NCOR1: variants seen among roughly 807,000 people sequenced by gnomAD.
NCOR1 encodes the protein protein phosphatase 1, regulatory subunit 109.
In NCOR1, 63 loss-of-function variants were observed where a neutral mutation model predicts 288.1. The ratio of observed to expected loss-of-function variants is 0.22; its 90% confidence interval spans 0.18 to 0.27. The LOEUF is 0.27. Among genes scored for constraint, NCOR1 ranks in the 10% least tolerant of loss-of-function variants. NCOR1 has a pLI of 1.00. For synonymous variants in NCOR1, 1,007 were observed against 1,065.9 expected (o/e 0.94, Z 1.08); for missense variants, 2,397 against 3,019.2 (o/e 0.79, Z 4.83).
intron 29 of NCOR1, 45 bp from the exon 30 acceptor site, chr17:16,071,710 C>T: frequency 6.4e-7 from 1 of 1,552,366 alleles, no homozygotes; most frequent in Non-Finnish European, 8.8e-7. Flanking sequence ...CTGATGGTTG[C>T]ACAACAATGC....
At chr17:16,036,229 G>A (rs566266025) in intron 44 of NCOR1, among the ~76,000 whole-genome samples, 1 of 152,272 alleles carries the variant, frequency 6.6e-6, no homozygotes, top group African/African-American at 2.4e-5. Context: ...GTGACTAAGT[G>A]GATTGTTAAT....
chr17:16,187,931 A>G (rs2087056726), intron 2 of NCOR1, among the ~76,000 whole-genome samples: 1 of 151,696 alleles, frequency 6.6e-6, no homozygotes, highest in African/African-American at 2.4e-5. Flanking sequence ...GAAAAACGAA[A>G]AGGCAACAAA....
chr17:16,126,387 G>C (rs2074049269), intron 14 of NCOR1, among the ~76,000 whole-genome samples, 181 bp from the exon 15 acceptor site: 1 of 152,050 alleles, frequency 6.6e-6, no homozygotes, highest in South Asian at 2.1e-4. Context: ...TGTACTGCTT[G>C]AAGGGTCCTA....
In NCOR1 at chr17:16,139,080, G is replaced by A; in HGVS notation, c.1280C>T (p.Pro427Leu). The A allele has an allele frequency of 6.2e-7, 1 of 1,612,140 alleles. No homozygotes were observed. The highest frequency in any genetic ancestry group is 8.5e-7 in the Non-Finnish European group (1 of 1,179,044). ...FINMNGLMED[P>L]MKVYKDRQFM... Reference sequence around the variant, plus strand: ...CTGCCTATCTTTATACACTTTCATAGGGTCCTCCATAAGCCCATTCATGTT... The same window carrying A: ...CTGCCTATCTTTATACACTTTCATAAGGTCCTCCATAAGCCCATTCATGTT... Residue 427 changes from proline to leucine, a missense_variant, in exon 12 of 46, where the codon CCT becomes CTT. By Grantham distance (98) the Pro-to-Leu change is moderately conservative (BLOSUM62 -3). Around this residue, in one of 11 missense-constraint regions of NCOR1, gnomAD observed 80 missense variants for 100.3 expected, o/e 0.80. Transcript: ENST00000268712.
At chr17:16,167,271 A>G (rs557349565) in intron 4 of NCOR1, among the ~76,000 whole-genome samples, 1 of 152,324 alleles carries the variant, frequency 6.6e-6, no homozygotes, top group South Asian at 2.1e-4. Context: ...CATAACAGGA[A>G]TAAGATCAAA....
intron 44 of NCOR1, 65 bp from the exon 45 acceptor site, chr17:16,035,009 T>C: frequency 1.4e-6 from 2 of 1,453,922 alleles, no homozygotes; most frequent in Middle Eastern, 2.2e-4. Flanking sequence ...AAAATGCTAA[T>C]GATTATATAT....
chr17:16,206,585 C>T (rs1189865019), intron 1 of NCOR1, among the ~76,000 whole-genome samples: 1 of 152,104 alleles, frequency 6.6e-6, no homozygotes, highest in African/African-American at 2.4e-5. Context: ...AGGGTTTCAC[C>T]ATGTTGGCCA....
intron 6 of NCOR1, among the ~76,000 whole-genome samples, chr17:16,156,572 G>A (rs1022198935): frequency 3.3e-5 from 5 of 151,794 alleles, no homozygotes; most frequent in African/African-American, 9.7e-5. Context: ...AAAAGGAAAA[G>A]AAAGATGACT....
intron 3 of NCOR1, among the ~76,000 whole-genome samples, chr17:16,183,299 A>T (rs1196640643): frequency 6.6e-6 from 1 of 151,640 alleles, no homozygotes; most frequent in African/African-American, 2.4e-5. Flanking sequence ...AGGAAAAAGT[A>T]AAAATATCTT....
At chr17:16,145,819 G>A (rs1026913351) in intron 10 of NCOR1, among the ~76,000 whole-genome samples, 15 of 152,314 alleles carry the variant, frequency 9.8e-5, no homozygotes, top group Non-Finnish European at 1.8e-4. Flanking sequence ...ATTGAGAGCC[G>A]GCCAGGATGA....
At chr17:16,186,308 C>A (rs547553976) in intron 3 of NCOR1, among the ~76,000 whole-genome samples, 5 of 152,084 alleles carry the variant, frequency 3.3e-5, no homozygotes. Flanking sequence ...TAGAACATAA[C>A]CAAGGACACA....
chr17:16,204,041 C>A (rs1489556465), intron 1 of NCOR1, among the ~76,000 whole-genome samples: 1 of 151,978 alleles, frequency 6.6e-6, no homozygotes, highest in African/African-American at 2.4e-5. Context: ...AGGTAACTAA[C>A]CCCATCTGTA....
chr17:16,092,666 TATATATATATATATATATATATATATATA>T (rs1324822755), intron 21 of NCOR1, among the ~76,000 whole-genome samples: 741 of 14,298 alleles, frequency 0.052, 72 homozygotes, highest in African/African-American at 0.19. Context: ...TATATATATA[TATATATATATATATATATATATATATATA>T]TTTTTTTTTT....
At chr17:16,059,100 A>C (rs1014381678) in intron 37 of NCOR1, among the ~76,000 whole-genome samples, 2 of 151,860 alleles carry the variant, frequency 1.3e-5, no homozygotes, top group Non-Finnish European at 2.9e-5. Flanking sequence ...GCCCAATAAT[A>C]AACACTGGAA....
At chr17:16,207,837 C>G (rs1458814282) in intron 1 of NCOR1, among the ~76,000 whole-genome samples, 1 of 150,122 alleles carries the variant, frequency 6.7e-6, no homozygotes, top group Non-Finnish European at 1.5e-5. Flanking sequence ...AGAATAAAAA[C>G]AGCCAAACAG....
intron 15 of NCOR1, 26 bp from the exon 16 acceptor site, chr17:16,121,295 T>C (rs1161735960): frequency 6.3e-7 from 1 of 1,597,234 alleles, no homozygotes; most frequent in East Asian, 2.2e-5. Flanking sequence ...AATGAAAACT[T>C]GTGTGATTCC....
At chr17:16,146,573 A>T (rs749733996) in intron 9 of NCOR1, 25 bp from the exon 10 acceptor site, 1 of 1,549,538 alleles carries the variant, frequency 6.5e-7, no homozygotes, top group East Asian at 2.3e-5. Flanking sequence ...TAGCAAATTA[A>T]TAATAATTAA....
chr17:16,140,997 C>CAAAAAAAAAAAAAAAAAA lies in NCOR1; in HGVS notation c.1174-1812_1174-1811insTTTTTTTTTTTTTTTTTT, dbSNP rs372397821. Among the ~76,000 whole-genome samples, 113 of 113,676 alleles carry CAAAAAAAAAAAAAAAAAA rather than the reference C, an allele frequency of 9.9e-4. 4 individuals carry two copies. The East Asian group carries it at 0.01, about 10-fold the overall frequency. 74.6% of individuals were successfully genotyped at this position (113,676 alleles called of 152,430 possible). The stretch of plus-strand genomic sequence containing the variant: ...CAGAGTAAGACCCTATCTCCTATCT[C>CAAAAAAAAAAAAAAAAAA]AAAAAAAAAAAAAAGGAAAATTCAC... On this transcript the variant is annotated intron_variant, in intron 11 of 45. Coordinates refer to ENST00000268712, the MANE Select transcript of NCOR1 (RefSeq NM_006311.4).
chr17:16,126,433 C>T (rs537678628), intron 14 of NCOR1, among the ~76,000 whole-genome samples: 16 of 152,162 alleles, frequency 1.1e-4, no homozygotes, highest in African/African-American at 3.4e-4. Context: ...TTTGGACCCA[C>T]GAGAAAGTGA....
Sources: allele counts gnomAD v4.1 joint callset (sites outside exome capture counted in the v4.1 genomes callset), GRCh38; gene constraint gnomAD v4.1.1; regional missense constraint gnomAD v4.1.1; transcripts MANE v1.5; gene names NCBI Gene and HGNC (gene_info 2026-07-23, HGNC 2026-07-21).